SCHIP1: variants seen among roughly 807,000 people sequenced by gnomAD.
SCHIP1 encodes the protein schwannomin-interacting protein 1.
A neutral mutation model predicts 29.7 loss-of-function variants in SCHIP1; 8 were observed. That is an observed-to-expected ratio of 0.27 (90% CI 0.16 to 0.49). The LOEUF (loss-of-function observed/expected upper bound fraction) is 0.49. Ranked by LOEUF, SCHIP1 falls within the 20% of genes least tolerant of loss-of-function variation. SCHIP1 has a pLI of 0.99. For synonymous variants in SCHIP1, 76 were observed against 94.9 expected, an observed-to-expected ratio of 0.80 and a Z score of 1.16; for missense variants, 193 against 294.6, an observed-to-expected ratio of 0.66 and a Z score of 2.52.
the SCHIP1 span, among the ~76,000 whole-genome samples, chr3:159,797,812 C>T: frequency 6.6e-6 from 1 of 152,138 alleles, no homozygotes; most frequent in East Asian, 1.9e-4. Flanking sequence ...TAGGCAACAC[C>T]TCATTCTATG....
the SCHIP1 span, among the ~76,000 whole-genome samples, chr3:159,655,925 AT>A: frequency 6.6e-6 from 1 of 152,192 alleles, no homozygotes; most frequent in African/African-American, 2.4e-5. Context: ...ACTGCAAAGC[AT>A]TAGAGTGGGT....
the SCHIP1 span, among the ~76,000 whole-genome samples, chr3:159,342,397 G>A: frequency 6.6e-6 from 1 of 152,120 alleles, no homozygotes; most frequent in Non-Finnish European, 1.5e-5. Flanking sequence ...CTGGAAAAAA[G>A]AAATTGTTAC....
the SCHIP1 span, among the ~76,000 whole-genome samples, chr3:159,464,076 T>C: frequency 2.0e-5 from 3 of 152,202 alleles, no homozygotes; most frequent in South Asian, 2.1e-4. Flanking sequence ...TTTTGCAAGA[T>C]AGATTTCCAG....
the SCHIP1 span, among the ~76,000 whole-genome samples, chr3:159,676,839 C>T: frequency 6.6e-6 from 1 of 152,134 alleles, no homozygotes; most frequent in Non-Finnish European, 1.5e-5. Flanking sequence ...GGAAGTCTTC[C>T]TACTCAGAAT....
chr3:159,485,054 T>A, the SCHIP1 span, among the ~76,000 whole-genome samples: 1 of 152,230 alleles, frequency 6.6e-6, no homozygotes, highest in African/African-American at 2.4e-5. Flanking sequence ...ACTTTTCTAC[T>A]TTTCTCTTGG....
chr3:159,756,273 T>C, the SCHIP1 span, among the ~76,000 whole-genome samples: 1 of 152,192 alleles, frequency 6.6e-6, no homozygotes, highest in Non-Finnish European at 1.5e-5. Context: ...AGGTGGAGGT[T>C]CCCAAACCCC....
chr3:159,591,772 G>T, the SCHIP1 span, among the ~76,000 whole-genome samples: 1 of 151,854 alleles, frequency 6.6e-6, no homozygotes, highest in Non-Finnish European at 1.5e-5. Flanking sequence ...CTGTCGGGGG[G>T]TTGGGGTCAA....
the SCHIP1 span, among the ~76,000 whole-genome samples, chr3:159,673,649 CT>C: frequency 1.3e-5 from 2 of 152,186 alleles, no homozygotes; most frequent in Non-Finnish European, 2.9e-5. Context: ...TCTAGGTCCC[CT>C]GAAAGGAGGT....
chr3:159,555,941 T>C, the SCHIP1 span, among the ~76,000 whole-genome samples: 1 of 152,000 alleles, frequency 6.6e-6, no homozygotes, highest in East Asian at 1.9e-4. Flanking sequence ...AGGGGAGGGA[T>C]AGCATTAGGA....
At chr3:159,664,788 C>T in the SCHIP1 span, among the ~76,000 whole-genome samples, 1 of 152,218 alleles carries the variant, frequency 6.6e-6, no homozygotes, top group Non-Finnish European at 1.5e-5. Context: ...CTGGAGAGAA[C>T]ACCTATCTTG....
the SCHIP1 span, among the ~76,000 whole-genome samples, chr3:159,818,468 A>G: frequency 6.6e-5 from 10 of 152,178 alleles, no homozygotes; most frequent in Admixed American, 1.3e-4. Flanking sequence ...GCTTTGTGTC[A>G]TCCTCCCCAG....
chr3:159,522,419 G>A, the SCHIP1 span, among the ~76,000 whole-genome samples: 1 of 152,220 alleles, frequency 6.6e-6, no homozygotes, highest in African/African-American at 2.4e-5. Flanking sequence ...AAGTAAGAAA[G>A]AGAAGGTTTC....
the SCHIP1 span, among the ~76,000 whole-genome samples, chr3:159,818,280 T>C: frequency 1.3e-5 from 2 of 152,150 alleles, no homozygotes; most frequent in African/African-American, 4.8e-5. Context: ...GGAGAGAAAG[T>C]GGTTGAAAAG....
At chr3:159,556,493 C>A in the SCHIP1 span, among the ~76,000 whole-genome samples, 9 of 151,892 alleles carry the variant, frequency 5.9e-5, no homozygotes, top group African/African-American at 9.7e-5. Flanking sequence ...GCACCATTCA[C>A]AATAGCAAAG....
the SCHIP1 span, among the ~76,000 whole-genome samples, chr3:159,281,704 TC>T: frequency 1.3e-5 from 2 of 152,166 alleles, no homozygotes; most frequent in Non-Finnish European, 2.9e-5. Flanking sequence ...TTTTTTTCAG[TC>T]AACACATTTT....
chr3:159,399,736 G>T, the SCHIP1 span, among the ~76,000 whole-genome samples: 1 of 152,138 alleles, frequency 6.6e-6, no homozygotes, highest in South Asian at 2.1e-4. Flanking sequence ...GAGTGCAGTG[G>T]CACAGTTACA....
the SCHIP1 span, among the ~76,000 whole-genome samples, chr3:159,658,422 T>C: frequency 2.6e-5 from 4 of 152,210 alleles, no homozygotes; most frequent in African/African-American, 9.7e-5. Flanking sequence ...GTTTTTTACA[T>C]ACTGTTCAGG....
the SCHIP1 span, among the ~76,000 whole-genome samples, chr3:159,707,280 G>T: frequency 1.3e-5 from 2 of 152,098 alleles, no homozygotes; most frequent in East Asian, 1.9e-4. Context: ...AAGCAATATG[G>T]TATAATCATT....
the SCHIP1 span, among the ~76,000 whole-genome samples, chr3:159,731,223 A>C: frequency 6.6e-6 from 1 of 152,270 alleles, no homozygotes; most frequent in African/African-American, 2.4e-5. Flanking sequence ...GTATGTTACC[A>C]CAAAAGTGAT....
Sources: gnomAD v4.1 joint callset for allele counts (sites outside exome capture counted in the v4.1 genomes callset) on GRCh38, gnomAD v4.1.1 for gene constraint, MANE v1.5 for transcripts, NCBI Gene and HGNC (gene_info 2026-07-23, HGNC 2026-07-21) for gene names.